The following ADH5 variants were observed in gnomAD, a reference collection of about 807,000 sequenced individuals.
ADH5 encodes alcohol dehydrogenase class-3.
ADH5 carries 32 observed loss-of-function variants against 40.3 expected under a neutral mutation model. That is an observed-to-expected ratio of 0.79 (90% CI 0.60 to 1.07). ADH5 has a LOEUF of 1.07. Ranked by LOEUF, ADH5 falls within the 50% of genes least tolerant of loss-of-function variation. ADH5 has a pLI of 0.00. For synonymous variants in ADH5, 125 were observed against 154.3 expected (o/e 0.81, Z 1.41); for missense variants, 353 against 460.5 (o/e 0.77, Z 2.14).
chr4:99,084,891 G>C (rs879315980), intron 2 of ADH5, among the ~76,000 whole-genome samples: 1 of 152,088 alleles, frequency 6.6e-6, no homozygotes, highest in Non-Finnish European at 1.5e-5. Context: ...TGACCCATGG[G>C]GATAGCTGCT....
In ADH5 at chr4:99,072,404, T is replaced by G. The variant is rs1175553245; in HGVS notation, c.*13A>C. 1.9e-6 allele frequency: 3 copies of G among 1,612,538 alleles called. No homozygotes were observed. In the Admixed American group the frequency reaches 5.0e-5, roughly 27 times the overall value. On this transcript the variant is annotated 3_prime_UTR_variant, in exon 9 of 9. Coordinates refer to ENST00000296412, the MANE Select transcript of ADH5 (RefSeq NM_000671.4). ...ACATCACGACAGGATGGACATTATT[T>G]TTCTCTTTTGAATTAAATCTTTACA... is the stretch of plus-strand genomic sequence containing the variant.
intron 2 of ADH5, among the ~76,000 whole-genome samples, chr4:99,083,810 A>G (rs767284004): frequency 6.6e-6 from 1 of 152,008 alleles, no homozygotes; most frequent in Non-Finnish European, 1.5e-5. Context: ...TAAAGCACTA[A>G]TTTTATATCA....
chr4:99,085,425 GA>G (rs774860908), intron 1 of ADH5: 20 of 407,886 alleles, frequency 4.9e-5, no homozygotes, highest in African/African-American at 8.2e-5. Context: ...TGGTCAGATA[GA>G]AAAGTATCTT....
Position 99,072,653 on chromosome 4 carries a change from T to C in ADH5, c.1020A>G (p.Ile340Met), listed in dbSNP as rs753034992. ...KLVSEYMSKK[I>M]KVDEFVTHNL... ...TGTGAGTCACAAATTCATCAACTTT[T>C]ATCTTTTTGGACATATATTCAGACA... Residue 340 changes from isoleucine to methionine, a missense_variant, in exon 8 of 9, where the codon ATA becomes ATG. By Grantham distance (10) the Ile-to-Met change is conservative. Coordinates refer to ENST00000296412, the MANE Select transcript of ADH5 (RefSeq NM_000671.4). The C allele has an allele frequency of 1.2e-6, 2 of 1,613,778 alleles. No homozygotes were observed. Among genetic ancestry groups the C allele is most frequent in the Non-Finnish European group, 1.7e-6 (2 of 1,179,748 alleles).
chr4:99,073,291 G>C (rs1727865564), intron 7 of ADH5, among the ~76,000 whole-genome samples: 1 of 152,176 alleles, frequency 6.6e-6, no homozygotes, highest in African/African-American at 2.4e-5. Flanking sequence ...CCATTCTCCT[G>C]CCTCAGCCTC....
intron 2 of ADH5, among the ~76,000 whole-genome samples, chr4:99,084,578 A>G (rs1047507931): frequency 1.3e-5 from 2 of 152,140 alleles, no homozygotes; most frequent in African/African-American, 4.8e-5. Flanking sequence ...AGAAATAACT[A>G]TATGTATACT....
At chr4:99,087,397 G>C (rs368382712) in intron 1 of ADH5, among the ~76,000 whole-genome samples, 2 of 104,310 alleles carry the variant, frequency 1.9e-5, no homozygotes, top group East Asian at 2.5e-4. Flanking sequence ...TGGCGGGGGA[G>C]GGGGGGGGGA....
At chr4:99,073,411 C>T (rs1236954654) in intron 7 of ADH5, among the ~76,000 whole-genome samples, 2 of 152,196 alleles carry the variant, frequency 1.3e-5, no homozygotes, top group Non-Finnish European at 2.9e-5. Flanking sequence ...ATCTCCTGAC[C>T]TCGTGATCCA....
intron 5 of ADH5, 33 bp downstream of exon 5, chr4:99,076,671 G>A (rs765972739): frequency 1.2e-6 from 2 of 1,605,518 alleles, no homozygotes; most frequent in South Asian, 2.2e-5. Flanking sequence ...TAAATTAGAA[G>A]GCAGAAGCAA....
intron 2 of ADH5, among the ~76,000 whole-genome samples, chr4:99,083,469 G>A (rs28894371): frequency 0.023 from 3,541 of 151,600 alleles, 62 homozygotes; most frequent in Non-Finnish European, 0.037. Context: ...GCGTGGTGGC[G>A]CATATCTGTA....
At position 99,088,738 on chromosome 4, in the gene ADH5, G is replaced by C. The variant is rs747238832; in HGVS notation, c.-38C>G. The C allele has an allele frequency of 6.2e-7, 1 of 1,601,200 alleles. No individual in the cohort carries two copies. On this transcript the variant is annotated 5_prime_UTR_variant, in exon 1 of 9. Transcript: ENST00000296412. The stretch of plus-strand genomic sequence containing the variant: ...TGGTCGGCGCGGGGGGCTGACATCC[G>C]GGGTGGGCCGCGCAGCGACGGAGGC...
Position 99,085,620 on chromosome 4 carries a change from G to C in ADH5, c.13-404C>G, listed in dbSNP as rs28730577. 11 of 352,920 alleles carry C rather than the reference G, an allele frequency of 3.1e-5. No individual in the cohort carries two copies. In the East Asian group the frequency reaches 8.3e-4, roughly 27 times the overall value. 21.9% of individuals were successfully genotyped at this position (352,920 alleles called of 1,614,324 possible). On this transcript the variant is annotated intron_variant, in intron 1 of 8. Coordinates refer to ENST00000296412, the MANE Select transcript of ADH5 (RefSeq NM_000671.4). The stretch of plus-strand genomic sequence containing the variant: ...TGCTCAGGCTGTTCTGAATACCACC[G>C]GCTTGGTGCAAAACTGCAGGGTGGG...
At chr4:99,087,870 A>C (rs1314496397) in intron 1 of ADH5, among the ~76,000 whole-genome samples, 1 of 152,244 alleles carries the variant, frequency 6.6e-6, no homozygotes, top group Non-Finnish European at 1.5e-5. Flanking sequence ...TCAAACTCCA[A>C]TATGTTTAAG....
intron 7 of ADH5, among the ~76,000 whole-genome samples, chr4:99,074,028 TA>T (rs1364738106): frequency 6.6e-6 from 1 of 152,234 alleles, no homozygotes; most frequent in Non-Finnish European, 1.5e-5. Context: ...TCTGTAGTTA[TA>T]AAGAACGAAG....
rs1457835475 is a variant in ADH5, at chr4:99,072,328, G to A, written c.*89C>T. On this transcript the variant is annotated 3_prime_UTR_variant, in exon 9 of 9. Coordinates refer to ENST00000296412, the MANE Select transcript of ADH5 (RefSeq NM_000671.4). ...TTCTGGAGTAGCTGTGAAGCTCTAC[G>A]AGGCTGTGAGGTTGGAGGCGCTTCT... The A allele has an allele frequency of 1.6e-6, 2 of 1,219,120 alleles. No homozygotes were observed. The highest frequency in any genetic ancestry group is 3.0e-5 in the African/African-American group (2 of 66,530). The allele number at this position is 1,219,120 out of a possible 1,614,324, so 75.5% of individuals were successfully genotyped here. A position where few individuals can be genotyped will look rare whatever the true frequency, so the allele number is the denominator to read the frequency against.
At position 99,076,391 on chromosome 4, in the gene ADH5, G is replaced by A. The variant is rs765232869; in HGVS notation, c.726C>T (p.Asn242=). ...GGATGGGTTTACTAAAATCCTGAGG[G>A]TTAATACATTCAGTGGCTCCAAACT... ...AKEFGATECI[N]PQDFSKPIQE... is the part of the protein sequence containing the mutation. Residue 242 remains asparagine (N), a synonymous_variant, in exon 6 of 9, where the codon AAC becomes AAT. Transcript: ENST00000296412. 5 of 1,614,008 alleles carry A rather than the reference G, an allele frequency of 3.1e-6. No homozygotes were observed. Among genetic ancestry groups the A allele is most frequent in the African/African-American group, 1.3e-5 (1 of 74,910 alleles).
intron 7 of ADH5, 137 bp from the exon 8 acceptor site, chr4:99,072,848 G>T: frequency 1.3e-6 from 1 of 767,778 alleles, no homozygotes; most frequent in Non-Finnish European, 2.1e-6. Context: ...ATAGCATGGA[G>T]ATGAAGAATT....
chr4:99,082,819 G>A (rs901287026), intron 2 of ADH5, among the ~76,000 whole-genome samples: 3 of 152,136 alleles, frequency 2.0e-5, no homozygotes, highest in Non-Finnish European at 4.4e-5. Flanking sequence ...TGGGACTGCA[G>A]GCGCGTACCA....
At position 99,088,748 on chromosome 4, in the gene ADH5, G is replaced by T. The variant is rs762970413; in HGVS notation, c.-48C>A. 6.4e-7 allele frequency: 1 copy of T among 1,566,446 alleles called. No individual in the cohort carries two copies. Among genetic ancestry groups the T allele is most frequent in the Non-Finnish European group, 8.7e-7 (1 of 1,155,044 alleles). ...GGGGGGCTGACATCCGGGGTGGGCC[G>T]CGCAGCGACGGAGGCATGGGCGTGG... On this transcript the variant is annotated 5_prime_UTR_variant, in exon 1 of 9. Coordinates refer to ENST00000296412, the MANE Select transcript of ADH5 (RefSeq NM_000671.4).
Sources: gnomAD v4.1 joint callset for allele counts (sites outside exome capture counted in the v4.1 genomes callset) on GRCh38, gnomAD v4.1.1 for gene constraint, MANE v1.5 for transcripts, NCBI Gene and HGNC (gene_info 2026-07-23, HGNC 2026-07-21) for gene names.